Variants in MED16 observed in about 807,000 individuals in gnomAD.
The protein encoded by MED16 is mediator of RNA polymerase II transcription subunit 16.
MED16 carries 81 observed loss-of-function variants against 84.4 expected under a neutral mutation model. The observed-to-expected ratio is 0.96, with a 90% CI of 0.80 to 1.15. MED16 has a LOEUF of 1.15. Among genes scored for constraint, MED16 ranks in the 50% most tolerant of loss-of-function variants. The pLI, the probability that MED16 is intolerant of heterozygous loss-of-function variation, is 0.00. For missense variants in MED16, 1,585 were observed against 1,245.9 expected (o/e 1.27, Z -4.10); for synonymous variants, 897 against 552.2 (o/e 1.62, Z -8.76).
Position 875,304 on chromosome 19 carries a change from T to TTAAAAAAAAAAAAAGA in MED16, c.1710_1711insTCTTTTTTTTTTTTTA (p.Thr571SerfsTer8), listed in dbSNP as rs1599324409. ...CGGTCGCCGGGGCTCTTGTCAGGCG[T>TTAAAAAAAAAAAAAGA]GTTGAGAAAGTGGGGGCGCAGCAGC... On this transcript the variant is annotated frameshift_variant, in exon 10 of 16. Coordinates refer to ENST00000325464, the MANE Select transcript of MED16 (RefSeq NM_005481.3). LOFTEE classifies it high-confidence loss of function. The TTAAAAAAAAAAAAAGA allele has an allele frequency of 6.2e-7, 1 of 1,600,894 alleles. No individual in the cohort carries two copies. Among genetic ancestry groups the TTAAAAAAAAAAAAAGA allele is most frequent in the Non-Finnish European group, 8.5e-7 (1 of 1,173,296 alleles).
At chr19:891,726 C>G (rs894354836) in intron 1 of MED16, among the ~76,000 whole-genome samples, 1 of 107,556 alleles carries the variant, frequency 9.3e-6, no homozygotes, top group Non-Finnish European at 1.8e-5. Context: ...CACCTGTGGC[C>G]GAGGCGGGGC....
Position 873,552 on chromosome 19 carries a change from G to A in MED16, c.1802C>T (p.Thr601Met). The A allele has an allele frequency of 2.5e-6, 4 of 1,612,404 alleles. No individual in the cohort carries two copies. The highest frequency in any genetic ancestry group is 3.4e-6 in the Non-Finnish European group (4 of 1,179,714). Residue 601 changes from threonine (T) to methionine (M), a missense_variant, in exon 11 of 16, where the codon ACG becomes ATG. Physicochemically the swap from Thr to Met is moderately conservative, Grantham distance 81. Coordinates refer to ENST00000325464, the MANE Select transcript of MED16 (RefSeq NM_005481.3). ...GTTCATGTCCAGCACAAATTCCTCC[G>A]TCTTGAGGTTGATCATGACCTTGTC... The part of the protein sequence containing the change: ...DIDKVMINLK[T>M]EEFVLDMNTL...
At position 870,952 on chromosome 19, in the gene MED16, G is replaced by A. The variant is rs1208515080; in HGVS notation, c.2315+85C>T. 7 of 1,349,234 alleles carry A rather than the reference G, an allele frequency of 5.2e-6. No homozygotes were observed. The Admixed American group carries it at 1.1e-4, about 21-fold the overall frequency. 83.6% of individuals were successfully genotyped at this position (1,349,234 alleles called of 1,614,324 possible). A position where few individuals can be genotyped will look rare whatever the true frequency, so the allele number is the denominator to read the frequency against. Reference sequence around the variant, plus strand: ...GGACCTGGGGCAGGACATGCAGGGAGGGAGCCGTGTGGATTCGGGGGTCCC... The same window carrying A: ...GGACCTGGGGCAGGACATGCAGGGAAGGAGCCGTGTGGATTCGGGGGTCCC... On this transcript the variant is annotated intron_variant, in intron 13 of 15. Transcript: ENST00000325464.
Position 889,588 on chromosome 19 carries a change from T to C in MED16, c.447+50A>G, listed in dbSNP as rs746386705. 3 of 1,551,924 alleles carry C rather than the reference T, an allele frequency of 1.9e-6. No homozygotes were observed. The East Asian group carries it at 6.9e-5, about 36-fold the overall frequency. ...GGAGAGGGGCTGGCGGGTGGCTGGG[T>C]AGGGTGACATCTCATCTGCCTCATC... On this transcript the variant is annotated intron_variant, in intron 4 of 15. Coordinates refer to ENST00000325464, the MANE Select transcript of MED16 (RefSeq NM_005481.3).
intron 6 of MED16, among the ~76,000 whole-genome samples, chr19:882,393 TGCACAC>T (rs2036438789): frequency 3.5e-5 from 3 of 85,718 alleles, no homozygotes; most frequent in African/African-American, 1.0e-4. Context: ...GATGCACGCC[TGCACAC>T]GCCTGTAGTC....
chr19:880,409 C>G (rs1179310347), intron 7 of MED16, among the ~76,000 whole-genome samples: 1 of 152,260 alleles, frequency 6.6e-6, no homozygotes, highest in African/African-American at 2.4e-5. Context: ...GGCCCATGTC[C>G]TGGCTGACAC....
At chr19:879,667 G>C (rs1369744298) in intron 8 of MED16, among the ~76,000 whole-genome samples, 17 of 100,674 alleles carry the variant, frequency 1.7e-4, no homozygotes, top group Admixed American at 4.8e-4. Context: ...GGTTGTCAAT[G>C]CCCACCAGCC....
At chr19:882,870 G>A (rs1396947374) in intron 6 of MED16, among the ~76,000 whole-genome samples, 1 of 152,172 alleles carries the variant, frequency 6.6e-6, no homozygotes, top group African/African-American at 2.4e-5. Context: ...TTGACCTCCT[G>A]CAAACCCGTA....
intron 7 of MED16, among the ~76,000 whole-genome samples, chr19:880,724 A>T (rs1432120325): frequency 6.6e-6 from 1 of 152,168 alleles, no homozygotes; most frequent in Non-Finnish European, 1.5e-5. Context: ...GTTCGAGACC[A>T]GCCTGGGCAA....
chr19:892,206 C>G (rs2036651597), intron 1 of MED16: 1 of 171,894 alleles, frequency 5.8e-6, no homozygotes, highest in Non-Finnish European at 1.3e-5. Flanking sequence ...CTCCTCAAAC[C>G]CTAACCCCGG....
In MED16 at chr19:886,058, C is replaced by T; in HGVS notation, c.591G>A (p.Gly197=). The stretch of plus-strand genomic sequence containing the variant: ...GGCTCTCGGTGGACGTCAGCACCTG[C>T]CCGCTGGGCTTCAGCAGGGACACGG... ...LVTVSLLKPS[G]QVLTSTESLC... The change falls in exon 5 of 16, where the codon GGG becomes GGA. Residue 197 remains glycine, a synonymous_variant. Transcript: ENST00000325464. The T allele has an allele frequency of 3.8e-6, 6 of 1,593,444 alleles. No homozygotes were observed. The highest frequency in any genetic ancestry group is 1.4e-5 in the African/African-American group (1 of 73,876).
intron 10 of MED16, among the ~76,000 whole-genome samples, chr19:874,324 G>C (rs1449293697): frequency 1.3e-5 from 2 of 152,150 alleles, no homozygotes; most frequent in African/African-American, 2.4e-5. Context: ...GTGTTAGCCA[G>C]GATGATCTCG....
At chr19:886,947 C>T (rs757895311) in intron 4 of MED16, among the ~76,000 whole-genome samples, 4 of 151,908 alleles carry the variant, frequency 2.6e-5, no homozygotes, top group South Asian at 2.1e-4. Context: ...GGCATGGTAG[C>T]GGGTGCCTAT....
chr19:871,774 A>AGG (rs1568319248), intron 12 of MED16, 152 bp downstream of exon 12: 8 of 171,716 alleles, frequency 4.7e-5, no homozygotes, highest in African/African-American at 4.4e-4. Context: ...GAGCGGGGAG[A>AGG]GGGGAGAGGG....
chr19:887,868 G>A (rs1279137696), intron 4 of MED16, among the ~76,000 whole-genome samples: 1 of 151,852 alleles, frequency 6.6e-6, no homozygotes, highest in Admixed American at 6.6e-5. Context: ...GATGGATCAG[G>A]GTGATGCAGG....
chr19:889,518 G>T, intron 4 of MED16, 120 bp downstream of exon 4: 1 of 1,196,850 alleles, frequency 8.4e-7, no homozygotes, highest in Non-Finnish European at 1.2e-6. Flanking sequence ...GCAGGTGGGA[G>T]CCAAGTGCAA....
chr19:890,772 T>C (rs1231947519), intron 2 of MED16, among the ~76,000 whole-genome samples, 191 bp downstream of exon 2: 2 of 152,120 alleles, frequency 1.3e-5, no homozygotes, highest in Non-Finnish European at 2.9e-5. Context: ...GGCACCAGGT[T>C]TGGGGGGCAC....
intron 8 of MED16, among the ~76,000 whole-genome samples, chr19:877,596 G>C (rs1439199060): frequency 1.3e-5 from 2 of 152,084 alleles, no homozygotes; most frequent in African/African-American, 2.4e-5. Context: ...CGAGGGGCTT[G>C]CACCTGTGGT....
At chr19:873,417 G>C (rs1264397821) in intron 11 of MED16, 32 bp downstream of exon 11, 2 of 1,594,096 alleles carry the variant, frequency 1.3e-6, no homozygotes, top group Non-Finnish European at 1.7e-6. Flanking sequence ...GCCCAGGTGG[G>C]GGGCGGGGCC....
Sources: gnomAD v4.1 joint callset for allele counts (sites outside exome capture counted in the v4.1 genomes callset) on GRCh38, gnomAD v4.1.1 for gene constraint, MANE v1.5 for transcripts, NCBI Gene and HGNC (gene_info 2026-07-23, HGNC 2026-07-21) for gene names.